PTPRT: variants seen among roughly 807,000 people sequenced by gnomAD.
PTPRT encodes protein tyrosine phosphatase receptor type T.
PTPRT carries 56 observed loss-of-function variants against 176.8 expected under a neutral mutation model. The observed-to-expected ratio is 0.32, with a 90% CI of 0.26 to 0.40. PTPRT has a LOEUF of 0.40. PTPRT is among the 10% of genes least tolerant of loss of function. PTPRT has a pLI of 1.00. For synonymous variants in PTPRT, 783 were observed against 739.0 expected (o/e 1.06, Z -0.96); for missense variants, 1,540 against 1,908.2 (o/e 0.81, Z 3.60).
At chr20:42,535,394 T>C (rs1270232140) in intron 7 of PTPRT, among the ~76,000 whole-genome samples, 1 of 152,066 alleles carries the variant, frequency 6.6e-6, no homozygotes, top group African/African-American at 2.4e-5. Context: ...ACCTGGGTGG[T>C]AAAATAATCT....
intron 1 of PTPRT, among the ~76,000 whole-genome samples, chr20:42,965,928 A>T (rs1160031283): frequency 6.6e-6 from 1 of 152,260 alleles, no homozygotes; most frequent in Non-Finnish European, 1.5e-5. Context: ...TTCAATGAGC[A>T]TTTAATCTTA....
intron 7 of PTPRT, among the ~76,000 whole-genome samples, chr20:42,593,650 A>C (rs913374164): frequency 6.6e-6 from 1 of 152,212 alleles, no homozygotes; most frequent in African/African-American, 2.4e-5. Flanking sequence ...CATTAAGATT[A>C]ATAATGACAA....
chr20:42,263,037 CAAGTACCACTCACATGATCAGTTTGA>C (rs1384562906), intron 13 of PTPRT, among the ~76,000 whole-genome samples: 1 of 151,978 alleles, frequency 6.6e-6, no homozygotes, highest in Admixed American at 6.6e-5. Flanking sequence ...TGTGAGAAGG[CAAGTACCACTCACATGATCAGTTTGA>C]ACGGGTTACA....
At chr20:42,535,725 G>A (rs1252372308) in intron 7 of PTPRT, among the ~76,000 whole-genome samples, 1 of 152,144 alleles carries the variant, frequency 6.6e-6, no homozygotes, top group Non-Finnish European at 1.5e-5. Flanking sequence ...CCTGAGAATG[G>A]CCCTGCAGTG....
At chr20:42,831,644 A>G (rs528565034) in intron 2 of PTPRT, among the ~76,000 whole-genome samples, 1 of 152,330 alleles carries the variant, frequency 6.6e-6, no homozygotes, top group Non-Finnish European at 1.5e-5. Context: ...ACAACAGTAT[A>G]ATATCCAGCA....
At chr20:42,788,381 ACT>A (rs1377150004) in intron 3 of PTPRT, among the ~76,000 whole-genome samples, 1 of 151,730 alleles carries the variant, frequency 6.6e-6, no homozygotes, top group Non-Finnish European at 1.5e-5. Flanking sequence ...CCAAGAATTT[ACT>A]CTCTCTTTTT....
At chr20:42,793,604 CA>C (rs2077408860) in intron 2 of PTPRT, among the ~76,000 whole-genome samples, 1 of 152,154 alleles carries the variant, frequency 6.6e-6, no homozygotes, top group Non-Finnish European at 1.5e-5. Context: ...TAAGGCGTCC[CA>C]GTTTTATGGC....
chr20:42,384,013 C>T (rs979200253), intron 9 of PTPRT, among the ~76,000 whole-genome samples: 1 of 152,156 alleles, frequency 6.6e-6, no homozygotes, highest in Non-Finnish European at 1.5e-5. Flanking sequence ...GTAGAGACGA[C>T]AATATGGATG....
At chr20:42,048,332 A>G in the PTPRT span, among the ~76,000 whole-genome samples, 5 of 152,180 alleles carry the variant, frequency 3.3e-5, no homozygotes, top group African/African-American at 9.7e-5. Flanking sequence ...GCTCCTCCCA[A>G]TGAGAGGTGG....
chr20:42,340,607 G>C (rs1487492617), intron 11 of PTPRT, among the ~76,000 whole-genome samples: 2 of 152,202 alleles, frequency 1.3e-5, no homozygotes, highest in Non-Finnish European at 2.9e-5. Context: ...TTTTGGATAA[G>C]AGCAAACCTC....
chr20:43,004,587 G>A lies in PTPRT; in HGVS notation c.89-118655C>T, dbSNP rs534099508. On this transcript the variant is annotated intron_variant, in intron 1 of 30. Transcript: ENST00000373187. ...ACTTTCAACTGCCACCAATTGTGCTGCAGTTTAATAAAATAAGGCATAGCT... is the reference window on the plus strand; with the variant it reads ...ACTTTCAACTGCCACCAATTGTGCTACAGTTTAATAAAATAAGGCATAGCT... 5.9e-5 allele frequency among the ~76,000 whole-genome samples: 9 copies of A among 152,288 alleles called. No individual in the cohort carries two copies. In the East Asian group the frequency reaches 1.7e-3, roughly 29 times the overall value.
intron 11 of PTPRT, among the ~76,000 whole-genome samples, chr20:42,328,148 T>C (rs2057912571): frequency 6.6e-6 from 1 of 152,128 alleles, no homozygotes; most frequent in Non-Finnish European, 1.5e-5. Context: ...AATTTCCTGC[T>C]CTTTAGAAAC....
intron 1 of PTPRT, among the ~76,000 whole-genome samples, chr20:42,886,384 C>T (rs1295883962): frequency 2.0e-5 from 3 of 152,240 alleles, no homozygotes; most frequent in African/African-American, 4.8e-5. Flanking sequence ...ATGCTTCATA[C>T]CTGAGCATCT....
At chr20:42,533,355 G>T (rs2072419382) in intron 7 of PTPRT, among the ~76,000 whole-genome samples, 1 of 152,140 alleles carries the variant, frequency 6.6e-6, no homozygotes, top group South Asian at 2.1e-4. Context: ...GTCCTTCCCA[G>T]CCCGGCAGTG....
At chr20:42,624,382 C>T (rs1022375661) in intron 7 of PTPRT, among the ~76,000 whole-genome samples, 7 of 152,116 alleles carry the variant, frequency 4.6e-5, no homozygotes, top group South Asian at 2.1e-4. Flanking sequence ...GAGCCTTAAA[C>T]GGCAGAGAAT....
intron 12 of PTPRT, among the ~76,000 whole-genome samples, chr20:42,296,768 A>G (rs6030117): frequency 0.03 from 4,518 of 152,266 alleles, 252 homozygotes; most frequent in African/African-American, 0.1. Flanking sequence ...AAACAGTGCT[A>G]CAACAAACAT....
At chr20:42,567,814 G>A (rs574551697) in intron 7 of PTPRT, among the ~76,000 whole-genome samples, 4 of 152,238 alleles carry the variant, frequency 2.6e-5, no homozygotes, top group African/African-American at 9.6e-5. Flanking sequence ...TTTTCCTGGT[G>A]GCCTGGAGTG....
At chr20:43,140,229 A>T (rs1416183362) in intron 1 of PTPRT, among the ~76,000 whole-genome samples, 1 of 152,164 alleles carries the variant, frequency 6.6e-6, no homozygotes, top group African/African-American at 2.4e-5. Context: ...ATATTGTTCC[A>T]TTAATGCTTA....
chr20:42,718,916 G>T (rs2146223928), intron 6 of PTPRT, among the ~76,000 whole-genome samples: 1 of 152,340 alleles, frequency 6.6e-6, no homozygotes. Flanking sequence ...GAGAGCCAAT[G>T]CAGTGATACT....
Sources: gnomAD v4.1 joint callset for allele counts (sites outside exome capture counted in the v4.1 genomes callset) on GRCh38, gnomAD v4.1.1 for gene constraint, MANE v1.5 for transcripts, NCBI Gene and HGNC (gene_info 2026-07-23, HGNC 2026-07-21) for gene names.